Variants in PPFIBP1 observed in about 807,000 individuals in gnomAD.
The protein encoded by PPFIBP1 is liprin-beta-1.
Under a neutral mutation model 137.8 loss-of-function variants are expected in PPFIBP1, and 112 were observed. That is an observed-to-expected ratio of 0.81 (90% CI 0.70 to 0.95). The LOEUF is 0.95. PPFIBP1 is among the 40% of genes least tolerant of loss of function. The pLI, the probability that PPFIBP1 is intolerant of heterozygous loss-of-function variation, is 0.00. For synonymous variants in PPFIBP1, 378 were observed against 417.3 expected, an observed-to-expected ratio of 0.91 and a Z score of 1.15; for missense variants, 1,083 against 1,196.6, an observed-to-expected ratio of 0.91 and a Z score of 1.40.
At chr12:27,570,706 C>T (rs1342849798) in intron 1 of PPFIBP1, among the ~76,000 whole-genome samples, 15 of 151,738 alleles carry the variant, frequency 9.9e-5, no homozygotes, top group Admixed American at 9.2e-4. Context: ...GTCCGGAGAT[C>T]GAGACCATCC....
chr12:27,679,744 G>A, intron 20 of PPFIBP1, 105 bp downstream of exon 20: 5 of 1,434,770 alleles, frequency 3.5e-6, no homozygotes, highest in Non-Finnish European at 4.7e-6. Context: ...TCCTCTTATG[G>A]AAGGAAGTTT....
chr12:27,626,687 A>G lies in PPFIBP1; in HGVS notation c.-35-6675A>G, dbSNP rs571888594. The stretch of plus-strand genomic sequence containing the variant: ...GTTCAAGCAATTCTCCTGCCTCAGC[A>G]TCTCCAGTAGCTGGGACTACAGGCT... On this transcript the variant is annotated intron_variant, in intron 2 of 29. Coordinates refer to ENST00000228425, the MANE Select transcript of PPFIBP1 (RefSeq NM_003622.4). Among the ~76,000 whole-genome samples the G allele has an allele frequency of 2.6e-5, 4 of 151,912 alleles. No individual in the cohort carries two copies. The South Asian group carries it at 8.3e-4, about 32-fold the overall frequency.
intron 1 of PPFIBP1, among the ~76,000 whole-genome samples, chr12:27,551,965 G>A (rs534660218): frequency 9.9e-5 from 15 of 152,278 alleles, no homozygotes; most frequent in African/African-American, 2.4e-4. Flanking sequence ...AGCAGACTGC[G>A]TTCCAGGTCC....
At chr12:27,598,305 T>C (rs1265731306) in intron 2 of PPFIBP1, among the ~76,000 whole-genome samples, 1 of 152,150 alleles carries the variant, frequency 6.6e-6, no homozygotes, top group Non-Finnish European at 1.5e-5. Context: ...AAGTCACATC[T>C]TACATGGTGG....
chr12:27,531,031 G>A (rs1592275047), intron 1 of PPFIBP1, among the ~76,000 whole-genome samples: 1 of 152,326 alleles, frequency 6.6e-6, no homozygotes, highest in East Asian at 1.9e-4. Context: ...GTTACTTGCA[G>A]CCAAATGTGA....
intron 24 of PPFIBP1, among the ~76,000 whole-genome samples, chr12:27,683,023 G>C (rs1196107350): frequency 1.3e-5 from 2 of 152,120 alleles, no homozygotes; most frequent in Non-Finnish European, 2.9e-5. Flanking sequence ...CTTTGAATGG[G>C]TACATTTTAT....
chr12:27,686,274 A>C (rs1184196634), intron 24 of PPFIBP1, among the ~76,000 whole-genome samples: 2 of 152,114 alleles, frequency 1.3e-5, no homozygotes, highest in Non-Finnish European at 2.9e-5. Flanking sequence ...TTCTTTCATG[A>C]GAAGTGTTTT....
At chr12:27,592,353 G>T in intron 2 of PPFIBP1, 1 of 561,990 alleles carries the variant, frequency 1.8e-6, no homozygotes, top group Non-Finnish European at 3.1e-6. Flanking sequence ...TGGGTAACAA[G>T]AACGTTTATT....
rs79621562 is a variant in PPFIBP1, at chr12:27,685,347, T to G, written c.2248-2038T>G. ...AATACTATTATTATCCCTACTTTTT[T>G]ACATGTATAAAGGAAGGAATCGAGA... On this transcript the variant is annotated intron_variant, in intron 24 of 29. Coordinates refer to ENST00000228425, the MANE Select transcript of PPFIBP1 (RefSeq NM_003622.4). 2.8e-3 allele frequency among the ~76,000 whole-genome samples: 421 copies of G among 152,092 alleles called. 4 individuals are homozygous for G. The highest frequency in any genetic ancestry group is 9.9e-3 in the African/African-American group (409 of 41,520).
At position 27,672,501 on chromosome 12, in the gene PPFIBP1, G is replaced by T. The variant is rs746588114; in HGVS notation, c.1319+18G>T. Reference sequence around the variant, plus strand: ...AAACTTTTGTAAGTTACATTTTATTGAATGTGAAAAATGTGATTGAGGCTA... The same window carrying T: ...AAACTTTTGTAAGTTACATTTTATTTAATGTGAAAAATGTGATTGAGGCTA... On this transcript the variant is annotated intron_variant, in intron 15 of 29. Coordinates refer to ENST00000228425, the MANE Select transcript of PPFIBP1 (RefSeq NM_003622.4). 6.4e-7 allele frequency: 1 copy of T among 1,567,556 alleles called. No homozygotes were observed. Among genetic ancestry groups the T allele is most frequent in the South Asian group, 1.1e-5 (1 of 89,136 alleles).
Position 27,612,926 on chromosome 12 carries a change from A to ACAT in PPFIBP1, c.-35-20386_-35-20384dup, listed in dbSNP as rs71039826. ...GAATTTAGGGTGGGTTAGATAATAC[A>ACAT]CATCATCATCATCATCATCATCATC... is the stretch of plus-strand genomic sequence containing the variant. On this transcript the variant is annotated intron_variant, in intron 2 of 29. Coordinates refer to ENST00000228425, the MANE Select transcript of PPFIBP1 (RefSeq NM_003622.4). Among the ~76,000 whole-genome samples the ACAT allele has an allele frequency of 2.5e-3, 369 of 149,006 alleles. 2 individuals carry two copies. Among genetic ancestry groups the ACAT allele is most frequent in the African/African-American group, 7.2e-3 (289 of 40,192 alleles).
intron 2 of PPFIBP1, chr12:27,592,482 G>A: frequency 9.0e-7 from 1 of 1,114,566 alleles, no homozygotes; most frequent in Non-Finnish European, 1.3e-6. Context: ...CTAATTCAAG[G>A]GTTTCTTGAG....
In PPFIBP1 at chr12:27,626,438, C is replaced by T. The variant is rs78718277; in HGVS notation, c.-35-6924C>T. On this transcript the variant is annotated intron_variant, in intron 2 of 29. Coordinates refer to ENST00000228425, the MANE Select transcript of PPFIBP1 (RefSeq NM_003622.4). ...TGTTGTCCCAAGGAGGAAAGACAGGCCTCAGTGTGTGTGAGTCTAGTGATT... is the reference window on the plus strand; with the variant it reads ...TGTTGTCCCAAGGAGGAAAGACAGGTCTCAGTGTGTGTGAGTCTAGTGATT... Among the ~76,000 whole-genome samples the T allele has an allele frequency of 3.0e-4, 45 of 152,260 alleles. No homozygotes were observed. The East Asian group carries it at 7.7e-3, about 26-fold the overall frequency.
chr12:27,652,580 G>T (rs1183928330), intron 7 of PPFIBP1, among the ~76,000 whole-genome samples: 1 of 152,146 alleles, frequency 6.6e-6, no homozygotes, highest in Non-Finnish European at 1.5e-5. Flanking sequence ...ATTTATTTCA[G>T]GTTGGAAATT....
intron 2 of PPFIBP1, among the ~76,000 whole-genome samples, chr12:27,589,251 G>A (rs779893678): frequency 3.3e-5 from 5 of 152,102 alleles, no homozygotes; most frequent in Non-Finnish European, 7.4e-5. Context: ...CTAGGAAATC[G>A]TCTATAACTT....
chr12:27,689,457 A>T (rs934921668), intron 27 of PPFIBP1, among the ~76,000 whole-genome samples: 14 of 152,068 alleles, frequency 9.2e-5, no homozygotes, highest in Middle Eastern at 3.2e-3. Flanking sequence ...AAAGAAGAAG[A>T]AGTACAGGGG....
At chr12:27,660,790 T>G (rs2139920089) in intron 10 of PPFIBP1, 94 bp from the exon 11 acceptor site, 7 of 1,500,004 alleles carry the variant, frequency 4.7e-6, no homozygotes, top group Admixed American at 2.2e-5. Flanking sequence ...ATTAACATCT[T>G]TACCTTAAAA....
At chr12:27,600,956 AT>A (rs1367215817) in intron 2 of PPFIBP1, among the ~76,000 whole-genome samples, 3 of 152,128 alleles carry the variant, frequency 2.0e-5, no homozygotes, top group African/African-American at 4.8e-5. Flanking sequence ...AATATTTATC[AT>A]TTTTTTGTGG....
At position 27,691,890 on chromosome 12, in the gene PPFIBP1, C is replaced by T. The variant is rs144681794; in HGVS notation, c.2827C>T (p.Arg943Cys). ...AGGATTTAAACCTGGTTTGGATATGCGCCTGTATGAGGAAGATGATTTGGA... is the reference window on the plus strand; with the variant it reads ...AGGATTTAAACCTGGTTTGGATATGTGCCTGTATGAGGAAGATGATTTGGA... ...KKGFKPGLDM[R>C]LYEEDDLDRL... Residue 943 changes from arginine (R) to cysteine (C), a missense_variant, in exon 28 of 30, where the codon CGC (arginine) becomes TGC (cysteine). Coordinates refer to ENST00000228425, the MANE Select transcript of PPFIBP1 (RefSeq NM_003622.4). 1.4e-5 allele frequency: 23 copies of T among 1,613,538 alleles called. No individual in the cohort carries two copies. The highest frequency in any genetic ancestry group is 1.7e-4 in the Middle Eastern group (1 of 6,058).
Sources: gnomAD v4.1 joint callset for allele counts (sites outside exome capture counted in the v4.1 genomes callset) on GRCh38, gnomAD v4.1.1 for gene constraint, MANE v1.5 for transcripts, NCBI Gene and HGNC (gene_info 2026-07-23, HGNC 2026-07-21) for gene names.